Variants in MAGI1 observed in about 807,000 individuals in gnomAD.
MAGI1 encodes the protein membrane-associated guanylate kinase, WW and PDZ domain-containing protein 1.
In MAGI1, 58 loss-of-function variants were observed where a neutral mutation model predicts 139.9. That is an observed-to-expected ratio of 0.41 (90% CI 0.34 to 0.52). The LOEUF is 0.52. Ranked by LOEUF, MAGI1 falls within the 20% of genes least tolerant of loss-of-function variation. The pLI, the probability that MAGI1 is intolerant of heterozygous loss-of-function variation, is 0.12. For synonymous variants in MAGI1, 812 were observed against 737.9 expected (o/e 1.10, Z -1.63); for missense variants, 1,874 against 1,901.6 (o/e 0.99, Z 0.27).
chr3:65,787,270 C>T (rs901518334), intron 1 of MAGI1, among the ~76,000 whole-genome samples: 10 of 151,878 alleles, frequency 6.6e-5, no homozygotes, highest in Admixed American at 1.3e-4. Flanking sequence ...ACACAGGGCC[C>T]GGTCATCTTT....
chr3:65,806,536 CTT>C (rs2108165716), intron 1 of MAGI1, among the ~76,000 whole-genome samples: 1 of 152,290 alleles, frequency 6.6e-6, no homozygotes, highest in South Asian at 2.1e-4. Flanking sequence ...CTGTACGTCA[CTT>C]TCCATTTTTT....
intron 2 of MAGI1, chr3:65,597,932 G>C (rs994082908): frequency 4.7e-5 from 21 of 450,694 alleles, no homozygotes; most frequent in African/African-American, 3.4e-4. Context: ...GGGTGGGGGG[G>C]GGGTGGGACC....
chr3:65,694,480 G>C (rs188158048), intron 1 of MAGI1, among the ~76,000 whole-genome samples: 1 of 152,164 alleles, frequency 6.6e-6, no homozygotes, highest in African/African-American at 2.4e-5. Context: ...ACCACCCGGG[G>C]TTCAACCTTC....
chr3:65,502,782 G>C (rs1246425074), intron 2 of MAGI1, among the ~76,000 whole-genome samples: 1 of 152,192 alleles, frequency 6.6e-6, no homozygotes, highest in African/African-American at 2.4e-5. Flanking sequence ...CCAAAGGTGA[G>C]AGAGGGAGAC....
chr3:65,422,688 C>G (rs182349931), intron 12 of MAGI1, among the ~76,000 whole-genome samples: 1 of 151,928 alleles, frequency 6.6e-6, no homozygotes, highest in Non-Finnish European at 1.5e-5. Context: ...AGAAAGATCA[C>G]GAGAACAGAC....
At chr3:65,495,922 A>T (rs139243940) in intron 2 of MAGI1, among the ~76,000 whole-genome samples, 73 of 152,250 alleles carry the variant, frequency 4.8e-4, no homozygotes, top group African/African-American at 1.7e-3. Flanking sequence ...AAGGGCTGGA[A>T]ACGAAAGCAA....
chr3:65,804,123 T>G (rs980283866), intron 1 of MAGI1, among the ~76,000 whole-genome samples: 15 of 152,188 alleles, frequency 9.9e-5, no homozygotes, highest in African/African-American at 3.6e-4. Context: ...AAAACAAACA[T>G]TCATCTTACT....
At chr3:65,709,726 A>C (rs974032924) in intron 1 of MAGI1, among the ~76,000 whole-genome samples, 6 of 152,198 alleles carry the variant, frequency 3.9e-5, no homozygotes, top group African/African-American at 1.4e-4. Context: ...TGAATATGAG[A>C]AGAGTGCTCA....
chr3:65,702,365 C>T (rs1431520367), intron 1 of MAGI1, among the ~76,000 whole-genome samples: 1 of 152,122 alleles, frequency 6.6e-6, no homozygotes, highest in East Asian at 1.9e-4. Context: ...CTGCCATAAC[C>T]TTTAAGGTCA....
chr3:65,479,898 C>T (rs913006357), intron 3 of MAGI1, among the ~76,000 whole-genome samples: 5 of 151,980 alleles, frequency 3.3e-5, no homozygotes, highest in East Asian at 1.9e-4. Context: ...TAATATTCAG[C>T]GGCTACATAA....
intron 2 of MAGI1, among the ~76,000 whole-genome samples, chr3:65,616,627 G>A (rs2083383868): frequency 6.6e-6 from 1 of 152,166 alleles, no homozygotes; most frequent in South Asian, 2.1e-4. Flanking sequence ...CTTTTAGACA[G>A]CCCTTAGTTT....
rs755039176 is a variant in MAGI1 at position 65,357,112 on chromosome 3, C to G, written c.3655G>C (p.Gly1219Arg). 3.7e-6 allele frequency: 6 copies of G among 1,611,824 alleles called. 1 individual carries two copies. In the South Asian group the frequency reaches 5.5e-5, roughly 15 times the overall value. Residue 1219 changes from glycine to arginine, a missense_variant, in exon 23 of 23, where the codon GGC (glycine) becomes CGC (arginine). Gly to Arg is a moderately radical substitution (Grantham distance 125). Transcript: ENST00000402939. The part of the protein sequence containing the change: ...PEYDPSSDRH[G>R]PATGPQGVPE... ...ACACCTTGTGGACCGGTGGCGGGGCCGTGGCGGTCGCTGCTGGGGTCTGCC... is the reference window on the plus strand; with the variant it reads ...ACACCTTGTGGACCGGTGGCGGGGCGGTGGCGGTCGCTGCTGGGGTCTGCC...
intron 1 of MAGI1, among the ~76,000 whole-genome samples, chr3:66,009,553 C>T (rs1355005904): frequency 1.3e-5 from 2 of 152,056 alleles, no homozygotes; most frequent in Non-Finnish European, 2.9e-5. Context: ...AGACCTGGTT[C>T]TACCCCTGAC....
chr3:65,773,051 TG>T (rs2038083154), intron 1 of MAGI1, among the ~76,000 whole-genome samples: 1 of 152,106 alleles, frequency 6.6e-6, no homozygotes, highest in Admixed American at 6.5e-5. Flanking sequence ...ATCTGGTAAA[TG>T]GCAAAAAAAC....
In MAGI1 at chr3:65,428,653, A is replaced by T. The variant is rs1947246423; in HGVS notation, c.2167+867T>A. Among the ~76,000 whole-genome samples the T allele has an allele frequency of 2.0e-5, 3 of 152,340 alleles. No homozygotes were observed. In the South Asian group the frequency reaches 6.2e-4, roughly 32 times the overall value. On this transcript the variant is annotated intron_variant, in intron 12 of 22. Coordinates refer to ENST00000402939, the MANE Select transcript of MAGI1 (RefSeq NM_001033057.2). ...GGTGTTGTGTTAAATGCTGGGGATA[A>T]CAGCTGTCCACATGCACACATGGGC...
At chr3:65,498,301 G>T (rs747426473) in intron 2 of MAGI1, among the ~76,000 whole-genome samples, 3 of 147,394 alleles carry the variant, frequency 2.0e-5, no homozygotes, top group South Asian at 2.1e-4. Flanking sequence ...AAAAAAAAGC[G>T]ACCAGGCTGA....
intron 1 of MAGI1, among the ~76,000 whole-genome samples, chr3:65,987,733 C>G (rs552520623): frequency 4.7e-4 from 33 of 69,734 alleles, no homozygotes; most frequent in African/African-American, 1.4e-3. Context: ...CCATGCCCAG[C>G]TAATTTTGCA....
At chr3:65,893,806 T>G (rs2060860180) in intron 1 of MAGI1, 1 of 152,200 alleles carries the variant, frequency 6.6e-6, no homozygotes, top group Non-Finnish European at 1.5e-5. Context: ...AGTCAGGAAT[T>G]TGTACAAAGC....
At chr3:65,901,237 G>C (rs1267488668) in intron 1 of MAGI1, among the ~76,000 whole-genome samples, 1 of 152,262 alleles carries the variant, frequency 6.6e-6, no homozygotes, top group Non-Finnish European at 1.5e-5. Flanking sequence ...CCACACAAAA[G>C]GAAGAGCAAA....
Sources: gnomAD v4.1 joint callset for allele counts (sites outside exome capture counted in the v4.1 genomes callset) on GRCh38, gnomAD v4.1.1 for gene constraint, MANE v1.5 for transcripts, NCBI Gene and HGNC (gene_info 2026-07-23, HGNC 2026-07-21) for gene names.